STAU1: variants seen among roughly 807,000 people sequenced by gnomAD.
The protein encoded by STAU1 is staufen double-stranded RNA binding protein 1.
In STAU1, 13 loss-of-function variants were observed where a neutral mutation model predicts 62.9. The observed-to-expected ratio is 0.21, with a 90% confidence interval of 0.13 to 0.33. The LOEUF (loss-of-function observed/expected upper bound fraction) is 0.33. Ranked by LOEUF, STAU1 falls within the 10% of genes least tolerant of loss-of-function variation. STAU1 has a pLI of 1.00. For missense variants in STAU1, 571 were observed against 712.1 expected (o/e 0.80, Z 2.25); for synonymous variants, 269 against 265.1 (o/e 1.01, Z -0.14).
chr20:49,118,903 C>T (rs1238161047), intron 9 of STAU1, among the ~76,000 whole-genome samples: 2 of 152,148 alleles, frequency 1.3e-5, no homozygotes, highest in Non-Finnish European at 2.9e-5. Flanking sequence ...CATCACCTTT[C>T]TAAGAAGTAA....
the STAU1 span, among the ~76,000 whole-genome samples, chr20:49,206,719 TTATATATATA>T: frequency 0.12 from 13,138 of 106,032 alleles, 890 homozygotes; most frequent in Middle Eastern, 0.14. Context: ...AAATGAAATT[TTATATATATA>T]TATATATATA....
At chr20:49,212,020 ACT>A in the STAU1 span, among the ~76,000 whole-genome samples, 3 of 151,442 alleles carry the variant, frequency 2.0e-5, no homozygotes, top group Admixed American at 2.0e-4. Context: ...ACAGGGTCTT[ACT>A]CTGTCATCCA....
At chr20:49,195,263 C>T in the STAU1 span, among the ~76,000 whole-genome samples, 1 of 152,102 alleles carries the variant, frequency 6.6e-6, no homozygotes. Context: ...ACAGGCTGGG[C>T]GCTGTGGCTC....
At chr20:49,122,067 G>A (rs926767755) in intron 8 of STAU1, among the ~76,000 whole-genome samples, 2 of 152,154 alleles carry the variant, frequency 1.3e-5, no homozygotes, top group African/African-American at 4.8e-5. Flanking sequence ...CCTTCTGACT[G>A]CATAGGTAAA....
chr20:49,219,285 A>T, the STAU1 span: 1 of 1,465,706 alleles, frequency 6.8e-7, no homozygotes. Context: ...ACCACGCCCC[A>T]TATTGCCGCA....
Position 49,165,978 on chromosome 20 carries a change from C to G in STAU1, c.205+19G>C. On this transcript the variant is annotated intron_variant, in intron 3 of 13. Coordinates refer to ENST00000371856, the MANE Select transcript of STAU1 (RefSeq NM_017453.4). ...AAGAAAACATTTGAAATAGAAGACA[C>G]TTGGATTCATATGCTTACCTGCAGC... 4 of 1,612,446 alleles carry G rather than the reference C, an allele frequency of 2.5e-6. No homozygotes were observed. Among genetic ancestry groups the G allele is most frequent in the Non-Finnish European group, 3.4e-6 (4 of 1,178,514 alleles).
At chr20:49,195,904 A>AAAAAAAAAAAAAAAAAAAG in the STAU1 span, among the ~76,000 whole-genome samples, 8 of 95,274 alleles carry the variant, frequency 8.4e-5, no homozygotes, top group Non-Finnish European at 1.4e-4. Flanking sequence ...CTCTCAAAAA[A>AAAAAAAAAAAAAAAAAAAG]AAAAAAAAAA....
chr20:49,136,623 T>A (rs974023288), intron 5 of STAU1, among the ~76,000 whole-genome samples: 3 of 152,206 alleles, frequency 2.0e-5, no homozygotes, highest in Non-Finnish European at 2.9e-5. Context: ...CAGACAGATA[T>A]ATGTGGGACG....
the STAU1 span, among the ~76,000 whole-genome samples, chr20:49,212,640 G>C: frequency 0.064 from 1,596 of 25,080 alleles, 41 homozygotes; most frequent in South Asian, 0.19. Context: ...GCAGAGTTTT[G>C]CTCTTGTTGC....
At chr20:49,136,933 T>G (rs562694335) in intron 5 of STAU1, among the ~76,000 whole-genome samples, 2 of 152,276 alleles carry the variant, frequency 1.3e-5, no homozygotes, top group Admixed American at 1.3e-4. Flanking sequence ...CCTGACCTCA[T>G]GATCCACCCA....
the STAU1 span, among the ~76,000 whole-genome samples, chr20:49,196,444 CAAAA>C: frequency 5.5e-5 from 5 of 91,528 alleles, no homozygotes; most frequent in South Asian, 3.2e-4. Context: ...CAAAACAAAA[CAAAA>C]AAAAAAAAAA....
the STAU1 span, among the ~76,000 whole-genome samples, chr20:49,218,976 T>A: frequency 8.0e-6 from 1 of 124,372 alleles, no homozygotes; most frequent in Non-Finnish European, 1.6e-5. Context: ...TGATCTCCAC[T>A]GCACCCCAGC....
chr20:49,130,020 A>G (rs2092717888), intron 6 of STAU1, among the ~76,000 whole-genome samples: 1 of 152,204 alleles, frequency 6.6e-6, no homozygotes, highest in African/African-American at 2.4e-5. Context: ...CCACAGATGT[A>G]TATAAATGTT....
chr20:49,115,920 C>A, intron 12 of STAU1, 53 bp from the exon 13 acceptor site: 1 of 1,508,208 alleles, frequency 6.6e-7, no homozygotes, highest in South Asian at 1.1e-5. Context: ...GGGACCACAG[C>A]ATAATACACT....
intron 5 of STAU1, among the ~76,000 whole-genome samples, chr20:49,141,001 G>A (rs948787822): frequency 4.1e-5 from 6 of 147,292 alleles, no homozygotes; most frequent in African/African-American, 1.5e-4. Context: ...AAAAAAAAAG[G>A]TCCACATGCT....
chr20:49,204,146 C>T, the STAU1 span, among the ~76,000 whole-genome samples: 1 of 150,758 alleles, frequency 6.6e-6, no homozygotes, highest in East Asian at 1.9e-4. Flanking sequence ...TTTAGAGTCT[C>T]ACTCTGTCAC....
upstream of STAU1, among the ~76,000 whole-genome samples, chr20:49,188,661 A>C (rs1228615282): frequency 6.6e-6 from 1 of 151,854 alleles, no homozygotes. Flanking sequence ...TTCCTCCTCC[A>C]CTTCCTTTTT....
At chr20:49,173,954 A>G (rs2093628532) in intron 2 of STAU1, among the ~76,000 whole-genome samples, 1 of 152,246 alleles carries the variant, frequency 6.6e-6, no homozygotes, top group Admixed American at 6.5e-5. Context: ...TGACAGCTTC[A>G]GTCATCAATT....
chr20:49,204,979 C>A, the STAU1 span, among the ~76,000 whole-genome samples: 1 of 151,216 alleles, frequency 6.6e-6, no homozygotes, highest in African/African-American at 2.4e-5. Context: ...CACCCACTGT[C>A]ATAAAAAAAA....
Sources: allele counts gnomAD v4.1 joint callset (sites outside exome capture counted in the v4.1 genomes callset), GRCh38; gene constraint gnomAD v4.1.1; transcripts MANE v1.5; gene names NCBI Gene and HGNC (gene_info 2026-07-23, HGNC 2026-07-21).